The following CRISPLD2 variants were observed in gnomAD, a reference collection of about 807,000 sequenced individuals.
CRISPLD2 encodes cysteine rich secretory protein LCCL domain containing 2.
Under a neutral mutation model 71.1 loss-of-function variants are expected in CRISPLD2, and 47 were observed. The ratio of observed to expected loss-of-function variants is 0.66; its 90% confidence interval spans 0.52 to 0.84. CRISPLD2 has a LOEUF of 0.84. Ranked by LOEUF, CRISPLD2 falls within the 40% of genes least tolerant of loss-of-function variation. The probability of loss-of-function intolerance (pLI) is 0.00; values close to 1 mark genes in which losing one functional copy is unlikely to be tolerated. For missense variants in CRISPLD2, 830 were observed against 651.1 expected, an observed-to-expected ratio of 1.27 and a Z score of -2.99; for synonymous variants, 317 against 250.1, an observed-to-expected ratio of 1.27 and a Z score of -2.52.
intron 1 of CRISPLD2, among the ~76,000 whole-genome samples, chr16:84,827,723 C>A (rs750638512): frequency 6.6e-6 from 1 of 152,080 alleles, no homozygotes; most frequent in Non-Finnish European, 1.5e-5. Flanking sequence ...TGTGCCACCA[C>A]GCCCAGCTAA....
chr16:84,884,284 C>T (rs72799576), intron 13 of CRISPLD2, among the ~76,000 whole-genome samples: 3,824 of 152,182 alleles, frequency 0.025, 70 homozygotes, highest in Non-Finnish European at 0.041. Flanking sequence ...GTGTGAGCCC[C>T]CCTGCCCCTC....
At chr16:84,901,188 A>G (rs1275931316) in intron 14 of CRISPLD2, among the ~76,000 whole-genome samples, 1 of 152,218 alleles carries the variant, frequency 6.6e-6, no homozygotes, top group Admixed American at 6.5e-5. Context: ...CCCGAGATAT[A>G]TTGTTAAGCT....
chr16:84,868,319 C>G (rs1158682545), intron 7 of CRISPLD2, among the ~76,000 whole-genome samples: 2 of 152,196 alleles, frequency 1.3e-5, no homozygotes, highest in Admixed American at 1.3e-4. Flanking sequence ...CAAACTATAA[C>G]ACGACTCCGA....
intron 14 of CRISPLD2, among the ~76,000 whole-genome samples, chr16:84,896,351 G>C (rs1183939541): frequency 2.0e-5 from 3 of 151,876 alleles, no homozygotes; most frequent in African/African-American, 7.3e-5. Flanking sequence ...GCCCAGCCAG[G>C]ATTGGAATCC....
chr16:84,878,053 A>AT (rs2071535890), intron 12 of CRISPLD2, among the ~76,000 whole-genome samples: 1 of 108,866 alleles, frequency 9.2e-6, no homozygotes, highest in African/African-American at 4.6e-5. Flanking sequence ...TACTAAAAAT[A>AT]CAAAAAAAAA....
At chr16:84,899,323 G>A (rs2071733025) in intron 14 of CRISPLD2, among the ~76,000 whole-genome samples, 1 of 152,082 alleles carries the variant, frequency 6.6e-6, no homozygotes, top group South Asian at 2.1e-4. Flanking sequence ...ACTCCTTCAG[G>A]CATGTATGGG....
At chr16:84,868,655 C>T (rs147849595) in intron 7 of CRISPLD2, among the ~76,000 whole-genome samples, 196 bp from the exon 8 acceptor site, 2 of 152,404 alleles carry the variant, frequency 1.3e-5, no homozygotes, top group Non-Finnish European at 2.9e-5. Flanking sequence ...TGTTCAAGGT[C>T]ACACTGCTAC....
At chr16:84,871,790 G>T (rs2071471354) in intron 8 of CRISPLD2, among the ~76,000 whole-genome samples, 1 of 146,818 alleles carries the variant, frequency 6.8e-6, no homozygotes, top group Non-Finnish European at 1.5e-5. Context: ...GACCTCAGGT[G>T]ATCCACCTGC....
At position 84,838,462 on chromosome 16, in the gene CRISPLD2, C is replaced by G. The variant is rs747899661; in HGVS notation, c.-34C>G. 6.3e-7 allele frequency: 1 copy of G among 1,599,622 alleles called. No individual in the cohort carries two copies. Among genetic ancestry groups the G allele is most frequent in the South Asian group, 1.1e-5 (1 of 89,428 alleles). ...CTCTGCCCGAGGAGCCCAGGCTGCC[C>G]CGTGAGTCCCATAGTTGCTGCAGGA... On this transcript the variant is annotated 5_prime_UTR_variant, in exon 2 of 15. Coordinates refer to ENST00000262424, the MANE Select transcript of CRISPLD2 (RefSeq NM_031476.4).
chr16:84,881,699 C>A (rs1567699966), intron 13 of CRISPLD2, among the ~76,000 whole-genome samples: 1 of 152,088 alleles, frequency 6.6e-6, no homozygotes, highest in Non-Finnish European at 1.5e-5. Context: ...TGATCTCGAA[C>A]TCCTGGGCTC....
At chr16:84,881,458 A>G (rs2172622) in intron 13 of CRISPLD2, among the ~76,000 whole-genome samples, 1 of 151,902 alleles carries the variant, frequency 6.6e-6, no homozygotes, top group East Asian at 1.9e-4. Flanking sequence ...GGGTTTGGGG[A>G]CATGGTGACC....
chr16:84,865,229 C>T (rs1917503105), intron 6 of CRISPLD2, among the ~76,000 whole-genome samples: 2 of 151,446 alleles, frequency 1.3e-5, no homozygotes, highest in African/African-American at 4.9e-5. Context: ...GATCTCCACT[C>T]ACTGCAACCT....
At chr16:84,894,075 C>T (rs978547799) in intron 14 of CRISPLD2, among the ~76,000 whole-genome samples, 4 of 152,220 alleles carry the variant, frequency 2.6e-5, no homozygotes, top group African/African-American at 9.6e-5. Flanking sequence ...TTCTGCTTCA[C>T]AGTGGTTTTG....
At chr16:84,897,518 C>T (rs1311266858) in intron 14 of CRISPLD2, among the ~76,000 whole-genome samples, 1 of 152,228 alleles carries the variant, frequency 6.6e-6, no homozygotes, top group Middle Eastern at 3.2e-3. Flanking sequence ...TAGCACTCAA[C>T]TTCCCATACC....
chr16:84,832,712 G>A (rs1043588783), intron 1 of CRISPLD2, among the ~76,000 whole-genome samples: 16 of 152,236 alleles, frequency 1.1e-4, no homozygotes, highest in African/African-American at 3.9e-4. Flanking sequence ...GCAAAAGCAG[G>A]GAGCTTGGCA....
rs553522715 is a variant in CRISPLD2, at chr16:84,883,182, G to A, written c.1305+2598G>A. Among the ~76,000 whole-genome samples, 8 of 152,336 alleles carry A rather than the reference G, an allele frequency of 5.3e-5. No individual in the cohort carries two copies. The South Asian group carries it at 8.3e-4, about 16-fold the overall frequency. Reference sequence around the variant, plus strand: ...GGAGGGAAGGAAGAAAGCCACCTCCGTGTGAGAGGTTCTTTTCTGGCCTCA... The same window carrying A: ...GGAGGGAAGGAAGAAAGCCACCTCCATGTGAGAGGTTCTTTTCTGGCCTCA... On this transcript the variant is annotated intron_variant, in intron 13 of 14. Coordinates refer to ENST00000262424, the MANE Select transcript of CRISPLD2 (RefSeq NM_031476.4).
At chr16:84,877,560 G>T (rs937211471) in intron 12 of CRISPLD2, 50 bp downstream of exon 12, 1 of 1,578,152 alleles carries the variant, frequency 6.3e-7, no homozygotes, top group Non-Finnish European at 8.7e-7. Context: ...GTTAGAAGTA[G>T]CTTTTTAGGC....
At chr16:84,895,531 C>T (rs2071698586) in intron 14 of CRISPLD2, among the ~76,000 whole-genome samples, 2 of 152,128 alleles carry the variant, frequency 1.3e-5, no homozygotes. Flanking sequence ...GTTTTTCCCC[C>T]GTGCACATAA....
chr16:84,832,443 A>C (rs1157188537), intron 1 of CRISPLD2, among the ~76,000 whole-genome samples: 1 of 152,260 alleles, frequency 6.6e-6, no homozygotes, highest in Non-Finnish European at 1.5e-5. Flanking sequence ...CGTAGTCCTT[A>C]TATGGCTTTT....
Sources: gnomAD v4.1 joint callset for allele counts (sites outside exome capture counted in the v4.1 genomes callset) on GRCh38, gnomAD v4.1.1 for gene constraint, MANE v1.5 for transcripts, NCBI Gene and HGNC (gene_info 2026-07-23, HGNC 2026-07-21) for gene names.